Variants in TLR2 observed in about 807,000 individuals in gnomAD.
TLR2 encodes the protein toll-like receptor 2.
TLR2 carries 7 observed loss-of-function variants against 9.1 expected under a neutral mutation model. That is an observed-to-expected ratio of 0.77 (90% CI 0.44 to 1.44). TLR2 has a LOEUF of 1.44. Among genes scored for constraint, TLR2 ranks in the 40% most tolerant of loss-of-function variants. The pLI is 0.01. For missense variants in TLR2, 812 were observed against 904.6 expected (o/e 0.90, Z 1.31); for synonymous variants, 317 against 344.6 (o/e 0.92, Z 0.89).
At position 153,703,302 on chromosome 4, in the gene TLR2, T is replaced by C; in HGVS notation, c.395T>C (p.Leu132Pro). 6.2e-7 allele frequency: 1 copy of C among 1,612,034 alleles called. No homozygotes were observed. Among genetic ancestry groups the C allele is most frequent in the South Asian group, 1.1e-5 (1 of 90,446 alleles). The change falls in exon 3 of 3, where the codon CTG (leucine) becomes CCG (proline). Residue 132 changes from leucine to proline, a missense_variant. Coordinates refer to ENST00000642700, the MANE Select transcript of TLR2 (RefSeq NM_001318789.2). ...PLSSLTFLNL[L>P]GNPYKTLGET... is the part of the protein sequence containing the mutation. ...TCTTCTTTAACATTCTTAAACTTAC[T>C]GGGAAATCCTTACAAAACCCTAGGG...
chr4:153,703,924 A>C lies in TLR2; in HGVS notation c.1017A>C (p.Lys339Asn). The change falls in exon 3 of 3, where the codon AAA (lysine) becomes AAC (asparagine). Residue 339 changes from lysine (K) to asparagine (N), a missense_variant. By Grantham distance (94) the Lys-to-Asn change is moderately conservative. Coordinates refer to ENST00000642700, the MANE Select transcript of TLR2 (RefSeq NM_001318789.2). The stretch of plus-strand genomic sequence containing the variant: ...TATATTCACTTACAGAAAGAGTTAA[A>C]AGAATCACAGTAGAAAACAGTAAAG... ...STLYSLTERV[K>N]RITVENSKVF... is the part of the protein sequence containing the mutation. 1 of 1,613,138 alleles carries C rather than the reference A, an allele frequency of 6.2e-7. No homozygotes were observed. Among genetic ancestry groups the C allele is most frequent in the Non-Finnish European group, 8.5e-7 (1 of 1,179,782 alleles).
At chr4:153,699,715 G>T (rs1736749801) in intron 2 of TLR2, among the ~76,000 whole-genome samples, 2 of 152,150 alleles carry the variant, frequency 1.3e-5, no homozygotes, top group African/African-American at 4.8e-5. Flanking sequence ...TGAAATAAAG[G>T]TATAAAAGTT....
downstream of TLR2, among the ~76,000 whole-genome samples, chr4:153,708,384 A>G (rs540401456): frequency 3.3e-5 from 5 of 152,370 alleles, no homozygotes; most frequent in South Asian, 2.1e-4. Context: ...TTATTTGTCA[A>G]TAGACTATAA....
intron 2 of TLR2, among the ~76,000 whole-genome samples, chr4:153,693,982 A>T (rs897658423): frequency 1.3e-5 from 2 of 152,206 alleles, no homozygotes; most frequent in African/African-American, 4.8e-5. Flanking sequence ...AAAGACACAC[A>T]CACAGAAACA....
At chr4:153,688,372 G>A (rs45529333) in intron 2 of TLR2, 2,420 of 152,456 alleles carry the variant, frequency 0.016, 30 homozygotes, top group Middle Eastern at 0.024. Flanking sequence ...ATGGACTGCT[G>A]AGACCAGCTC....
Position 153,705,130 on chromosome 4 carries a change from G to GA in TLR2, c.2229dup (p.Ala744SerfsTer47), listed in dbSNP as rs1196921546. The GA allele has an allele frequency of 1.2e-6, 2 of 1,614,088 alleles. No individual in the cohort carries two copies. Among genetic ancestry groups the GA allele is most frequent in the Non-Finnish European group, 1.7e-6 (2 of 1,180,024 alleles). ...TTCTCATTCTTCTGGAGCCCATTGA[G>GA]AAAAAAGCCATTCCCCAGCGCTTCT... On this transcript the variant is annotated frameshift_variant, in exon 3 of 3. Transcript: ENST00000642700. LOFTEE classifies it high-confidence loss of function.
intron 2 of TLR2, among the ~76,000 whole-genome samples, chr4:153,701,038 C>A (rs1736852132): frequency 6.6e-6 from 1 of 152,040 alleles, no homozygotes; most frequent in Non-Finnish European, 1.5e-5. Context: ...AAGAGAATAT[C>A]TTTATGAAAA....
chr4:153,704,685 G>A lies in TLR2; in HGVS notation c.1778G>A (p.Gly593Asp). The A allele has an allele frequency of 6.2e-7, 1 of 1,613,670 alleles. No individual in the cohort carries two copies. Among genetic ancestry groups the A allele is most frequent in the Non-Finnish European group, 8.5e-7 (1 of 1,179,940 alleles). ...SECHRTALVS[G>D]MCCALFLLIL... ...TGTCACAGGACAGCACTGGTGTCTG[G>A]CATGTGCTGTGCTCTGTTCCTGCTG... is the stretch of plus-strand genomic sequence containing the variant. The change falls in exon 3 of 3, where the codon GGC (glycine) becomes GAC (aspartate). Residue 593 changes from glycine (G) to aspartate (D), a missense_variant. Physicochemically the swap from Gly to Asp is moderately conservative, Grantham distance 94 (BLOSUM62 -1). Transcript: ENST00000642700.
chr4:153,684,656 C>A (rs898349631), intron 1 of TLR2, among the ~76,000 whole-genome samples: 5 of 152,218 alleles, frequency 3.3e-5, no homozygotes, highest in Non-Finnish European at 7.4e-5. Flanking sequence ...GCCCGAGGGT[C>A]CTGCAGAGCC....
chr4:153,699,011 A>G (rs1736698609), intron 2 of TLR2, among the ~76,000 whole-genome samples: 1 of 152,196 alleles, frequency 6.6e-6, no homozygotes, highest in African/African-American at 2.4e-5. Flanking sequence ...GAAACTGAAT[A>G]ATAAAACCAA....
downstream of TLR2, among the ~76,000 whole-genome samples, chr4:153,709,752 T>G (rs1269787027): frequency 6.6e-6 from 1 of 152,258 alleles, no homozygotes; most frequent in Non-Finnish European, 1.5e-5. Context: ...AAAGTGATTC[T>G]TCTTGCTTTA....
At position 153,704,537 on chromosome 4, in the gene TLR2, T is replaced by C. The variant is rs1737183339; in HGVS notation, c.1630T>C (p.Phe544Leu). Residue 544 changes from phenylalanine to leucine, a missense_variant, in exon 3 of 3, where the codon TTC (phenylalanine) becomes CTC (leucine). By Grantham distance (22) the Phe-to-Leu change is conservative. Coordinates refer to ENST00000642700, the MANE Select transcript of TLR2 (RefSeq NM_001318789.2). Reference sequence around the variant, plus strand: ...CATTTGCTCCTGTGAATTCCTCTCCTTCACTCAGGAGCAGCAAGCACTGGC... The same window carrying C: ...CATTTGCTCCTGTGAATTCCTCTCCCTCACTCAGGAGCAGCAAGCACTGGC... ...NFICSCEFLSFTQEQQALAKV... is the reference protein window; with the variant it reads ...NFICSCEFLSLTQEQQALAKV... 1 of 1,614,006 alleles carries C rather than the reference T, an allele frequency of 6.2e-7. No individual in the cohort carries two copies. Among genetic ancestry groups the C allele is most frequent in the Non-Finnish European group, 8.5e-7 (1 of 1,179,946 alleles).
At chr4:153,698,405 G>T (rs1029897428) in intron 2 of TLR2, among the ~76,000 whole-genome samples, 1 of 152,100 alleles carries the variant, frequency 6.6e-6, no homozygotes, top group South Asian at 2.1e-4. Context: ...TAAATGAACA[G>T]CATCATGCAC....
At chr4:153,684,628 G>C (rs1407435785) in intron 1 of TLR2, among the ~76,000 whole-genome samples, 1 of 152,336 alleles carries the variant, frequency 6.6e-6, no homozygotes, top group South Asian at 2.1e-4. Context: ...GGAGAAGCAG[G>C]GGCTACACGG....
chr4:153,702,758 CTCTTTGTGTGTG>C, intron 2 of TLR2, 122 bp from the exon 3 acceptor site: 1 of 629,804 alleles, frequency 1.6e-6, no homozygotes, highest in Non-Finnish European at 2.5e-6. Context: ...CTCTCTCTCT[CTCTTTGTGTGTG>C]TGTGTGTGTG....
Position 153,703,876 on chromosome 4 carries a change from CT to C in TLR2, c.971del (p.Leu324TyrfsTer5). The C allele has an allele frequency of 1.2e-6, 2 of 1,614,076 alleles. No individual in the cohort carries two copies. Among genetic ancestry groups the C allele is most frequent in the Non-Finnish European group, 8.5e-7 (1 of 1,179,998 alleles). On this transcript the variant is annotated frameshift_variant, in exon 3 of 3. Coordinates refer to ENST00000642700, the MANE Select transcript of TLR2 (RefSeq NM_001318789.2). LOFTEE classifies it low-confidence loss of function (END_TRUNC). ...IRRLHIPRFY[L>X]FYDLSTLYSL... is the part of the protein sequence containing the mutation. Reference sequence around the variant, plus strand: ...GGAGGCTGCATATTCCAAGGTTTTACTTATTTTATGATCTGAGCACTTTATA... The same window carrying C: ...GGAGGCTGCATATTCCAAGGTTTTACTATTTTATGATCTGAGCACTTTATA...
intron 2 of TLR2, among the ~76,000 whole-genome samples, chr4:153,697,354 CTG>C (rs1221547140): frequency 6.6e-6 from 1 of 151,996 alleles, no homozygotes; most frequent in Admixed American, 6.6e-5. Context: ...AATGAAGATT[CTG>C]TGTTTTATTG....
At chr4:153,693,692 A>G (rs1261525339) in intron 2 of TLR2, among the ~76,000 whole-genome samples, 2 of 152,204 alleles carry the variant, frequency 1.3e-5, no homozygotes, top group Admixed American at 6.5e-5. Context: ...CTGTTACTTC[A>G]TTATACTTTC....
At chr4:153,686,281 T>G (rs1735700151) in intron 1 of TLR2, among the ~76,000 whole-genome samples, 1 of 152,154 alleles carries the variant, frequency 6.6e-6, no homozygotes, top group Non-Finnish European at 1.5e-5. Context: ...GCATTGAAGA[T>G]GAAATTTCCA....
Sources: gnomAD v4.1 joint callset for allele counts (sites outside exome capture counted in the v4.1 genomes callset) on GRCh38, gnomAD v4.1.1 for gene constraint, MANE v1.5 for transcripts, NCBI Gene and HGNC (gene_info 2026-07-23, HGNC 2026-07-21) for gene names.